Variants in KSR1 observed in about 807,000 individuals in gnomAD.
The protein encoded by KSR1 is kinase suppressor of ras.
In KSR1, 35 loss-of-function variants were observed where a neutral mutation model predicts 92.9. The observed-to-expected ratio is 0.38, with a 90% confidence interval of 0.29 to 0.50. KSR1 has a LOEUF of 0.50. Ranked by LOEUF, KSR1 falls within the 20% of genes least tolerant of loss-of-function variation. The pLI is 0.94. For synonymous variants in KSR1, 467 were observed against 472.6 expected (o/e 0.99, Z 0.15); for missense variants, 972 against 1,158.5 (o/e 0.84, Z 2.34).
intron 1 of KSR1, among the ~76,000 whole-genome samples, chr17:27,462,152 C>G (rs575359313): frequency 6.6e-6 from 1 of 152,314 alleles, no homozygotes; most frequent in South Asian, 2.1e-4. Flanking sequence ...CTCCACTAGG[C>G]TCTCGGCATA....
intron 2 of KSR1, among the ~76,000 whole-genome samples, chr17:27,568,111 G>T (rs546741931): frequency 5.9e-5 from 9 of 152,240 alleles, no homozygotes; most frequent in Admixed American, 5.9e-4. Flanking sequence ...TGTTTTCAAG[G>T]TTTCTGGAAA....
chr17:27,611,958 T>C (rs1286600226), intron 18 of KSR1, among the ~76,000 whole-genome samples: 4 of 152,058 alleles, frequency 2.6e-5, no homozygotes, highest in Non-Finnish European at 5.9e-5. Flanking sequence ...AAGAAGATAA[T>C]TTTTTTTAAA....
rs536046485 is a variant in KSR1, at chr17:27,507,222, C to G, written c.232-43346C>G. Among the ~76,000 whole-genome samples the G allele has an allele frequency of 3.9e-5, 6 of 152,240 alleles. No homozygotes were observed. In the East Asian group the frequency reaches 1.2e-3, roughly 30 times the overall value. On this transcript the variant is annotated intron_variant, in intron 1 of 20. Coordinates refer to ENST00000644974, the MANE Select transcript of KSR1 (RefSeq NM_001394583.1). ...GGCCGAGGCAGGCAGATTACGAGGT[C>G]AGGAATTCAAGACCAGCCTGGCCAA...
At chr17:27,554,013 C>T (rs1386302157) in intron 2 of KSR1, among the ~76,000 whole-genome samples, 1 of 152,208 alleles carries the variant, frequency 6.6e-6, no homozygotes, top group Non-Finnish European at 1.5e-5. Context: ...ATACCCACTG[C>T]TGCCCCTGAC....
chr17:27,552,289 G>C (rs1362154484), intron 2 of KSR1, among the ~76,000 whole-genome samples: 1 of 152,204 alleles, frequency 6.6e-6, no homozygotes, highest in East Asian at 1.9e-4. Flanking sequence ...CGGCCTTGCT[G>C]TTTGGGTTTG....
chr17:27,494,884 G>A (rs1419393461), intron 1 of KSR1, among the ~76,000 whole-genome samples: 1 of 152,236 alleles, frequency 6.6e-6, no homozygotes, highest in African/African-American at 2.4e-5. Context: ...GTGGCTCCCT[G>A]TGCCTGGGAG....
rs142312885 is a variant in KSR1 at position 27,543,749 on chromosome 17, A to G, written c.232-6819A>G. Among the ~76,000 whole-genome samples the G allele has an allele frequency of 3.9e-5, 6 of 152,332 alleles. No homozygotes were observed. The East Asian group carries it at 1.2e-3, about 29-fold the overall frequency. ...GAGCCGATGTCATTTCATTCCCGTC[A>G]CATCCTCTGGTGCTGAGGTTGGAGG... On this transcript the variant is annotated intron_variant, in intron 1 of 20. Coordinates refer to ENST00000644974, the MANE Select transcript of KSR1 (RefSeq NM_001394583.1).
intron 1 of KSR1, among the ~76,000 whole-genome samples, chr17:27,516,947 T>C (rs1206947778): frequency 6.6e-6 from 1 of 152,228 alleles, no homozygotes; most frequent in African/African-American, 2.4e-5. Context: ...AACCTGACTC[T>C]AGTATAACAT....
intron 1 of KSR1, among the ~76,000 whole-genome samples, chr17:27,542,437 T>C (rs922858386): frequency 5.9e-5 from 9 of 152,192 alleles, no homozygotes; most frequent in Admixed American, 5.2e-4. Context: ...GAGAGGGTCC[T>C]GTGGCAGCCA....
At position 27,592,352 on chromosome 17, in the gene KSR1, C is replaced by G. The variant is rs776956790; in HGVS notation, c.1131-9C>G. The G allele has an allele frequency of 1.2e-6, 2 of 1,613,680 alleles. No individual in the cohort carries two copies. The highest frequency in any genetic ancestry group is 1.1e-5 in the South Asian group (1 of 91,078). ...GTGCTTTGCACACCAACCTCCCCTT[C>G]TTTACCAGGTTGAAGTGTCACAACA... On this transcript the variant is annotated splice_polypyrimidine_tract_variant and intron_variant, in intron 7 of 20. Coordinates refer to ENST00000644974, the MANE Select transcript of KSR1 (RefSeq NM_001394583.1).
chr17:27,560,515 C>T (rs2948526), intron 2 of KSR1: 303,696 of 518,270 alleles, frequency 0.59, 90,610 homozygotes, highest in Admixed American at 0.74. Context: ...CTCTCCTCTA[C>T]CCTTGCGTTC....
At chr17:27,475,048 G>A (rs2068298550) in intron 1 of KSR1, among the ~76,000 whole-genome samples, 1 of 152,198 alleles carries the variant, frequency 6.6e-6, no homozygotes, top group Non-Finnish European at 1.5e-5. Context: ...TTGCAGAGGA[G>A]GTGATATTTG....
intron 5 of KSR1, chr17:27,587,404 G>A (rs1244360625): frequency 6.6e-6 from 1 of 152,230 alleles, no homozygotes; most frequent in East Asian, 1.9e-4. Flanking sequence ...CATGAGTCCA[G>A]CTTTGTGCTA....
In KSR1 at chr17:27,577,220, A is replaced by G. The variant is rs1201698026; in HGVS notation, c.373-272A>G. 6.6e-6 allele frequency among the ~76,000 whole-genome samples: 1 copy of G among 152,132 alleles called. No homozygotes were observed. The highest frequency in any genetic ancestry group is 1.5e-5 in the Non-Finnish European group (1 of 68,014). ...CTGTGCAGAGGAGTAAGAAGAAACA[A>G]GCTGGGCAACATGCCCTCGTCCAAA... On this transcript the variant is annotated intron_variant, in intron 2 of 20. Coordinates refer to ENST00000644974, the MANE Select transcript of KSR1 (RefSeq NM_001394583.1). The surrounding 1 kb of genome is among the most constrained non-coding windows in gnomAD (Gnocchi z 4.5).
At chr17:27,488,020 A>G (rs537778959) in intron 1 of KSR1, among the ~76,000 whole-genome samples, 57 of 152,244 alleles carry the variant, frequency 3.7e-4, no homozygotes, top group African/African-American at 1.4e-3. Flanking sequence ...GAGGGGACAA[A>G]TATTCAAACT....
chr17:27,611,375 T>G, intron 17 of KSR1, 119 bp from the exon 18 acceptor site: 1 of 1,321,922 alleles, frequency 7.6e-7, no homozygotes, highest in Non-Finnish European at 1.0e-6. Context: ...TGAAGCCAAG[T>G]GGGTGAGGAA....
chr17:27,499,679 C>T (rs2069109070), intron 1 of KSR1, among the ~76,000 whole-genome samples: 1 of 152,196 alleles, frequency 6.6e-6, no homozygotes, highest in Non-Finnish European at 1.5e-5. Context: ...GCAAGGCACT[C>T]ATGATGTCAT....
At chr17:27,467,090 C>T (rs954901927) in intron 1 of KSR1, among the ~76,000 whole-genome samples, 2 of 152,204 alleles carry the variant, frequency 1.3e-5, no homozygotes, top group African/African-American at 2.4e-5. Flanking sequence ...CCCCATTTTA[C>T]AGATGAAGAA....
chr17:27,616,480 T>C (rs949352589), intron 18 of KSR1, among the ~76,000 whole-genome samples: 1 of 152,230 alleles, frequency 6.6e-6, no homozygotes, highest in Non-Finnish European at 1.5e-5. Context: ...ATAGAGCAGC[T>C]GCTTCACACA....
Sources: allele counts gnomAD v4.1 joint callset (sites outside exome capture counted in the v4.1 genomes callset), GRCh38; gene constraint gnomAD v4.1.1; non-coding constraint Gnocchi (gnomAD v3.1); transcripts MANE v1.5; gene names NCBI Gene and HGNC (gene_info 2026-07-23, HGNC 2026-07-21).